Variants in TBC1D8 observed in about 807,000 individuals in gnomAD.
TBC1D8 encodes the protein BUB2-like protein 1.
Under a neutral mutation model 118.8 loss-of-function variants are expected in TBC1D8, and 65 were observed. The ratio of observed to expected loss-of-function variants is 0.55; its 90% confidence interval spans 0.45 to 0.67. The LOEUF (loss-of-function observed/expected upper bound fraction) is 0.67. TBC1D8 is among the 30% of genes least tolerant of loss of function. The pLI, the probability that TBC1D8 is intolerant of heterozygous loss-of-function variation, is 0.00. For synonymous variants in TBC1D8, 566 were observed against 595.8 expected, an observed-to-expected ratio of 0.95 and a Z score of 0.73; for missense variants, 1,376 against 1,471.2, an observed-to-expected ratio of 0.94 and a Z score of 1.06.
chr2:101,096,647 C>A lies in TBC1D8; in HGVS notation c.128-6283G>T, dbSNP rs1676465460. On this transcript the variant is annotated intron_variant, in intron 1 of 19. Transcript: ENST00000409318. ...CTCTGAGGAAGAATTAATAAGAAAT[C>A]CTAGACGTGAAAAGAAAATCAAGGA... 3.9e-5 allele frequency among the ~76,000 whole-genome samples: 6 copies of A among 151,908 alleles called. 1 individual carries two copies. The South Asian group carries it at 1.2e-3, about 32-fold the overall frequency.
intron 19 of TBC1D8, among the ~76,000 whole-genome samples, chr2:101,009,861 G>A (rs13013976): frequency 6.8e-6 from 1 of 146,664 alleles, no homozygotes; most frequent in East Asian, 2.0e-4. Flanking sequence ...TCGCTCTGTC[G>A]CCCAGGCTGG....
chr2:101,055,416 T>C (rs1682364677), intron 3 of TBC1D8, among the ~76,000 whole-genome samples: 1 of 151,992 alleles, frequency 6.6e-6, no homozygotes, highest in Admixed American at 6.6e-5. Context: ...GAAAAACTCA[T>C]GAAGATCTTC....
intron 15 of TBC1D8, among the ~76,000 whole-genome samples, chr2:101,025,125 A>G (rs559034776): frequency 1.3e-5 from 2 of 152,346 alleles, no homozygotes; most frequent in South Asian, 4.1e-4. Context: ...ATTTATAGAT[A>G]GATACAAGAG....
intron 3 of TBC1D8, among the ~76,000 whole-genome samples, chr2:101,054,759 C>T (rs1404230829): frequency 2.8e-5 from 4 of 143,992 alleles, no homozygotes; most frequent in Non-Finnish European, 4.5e-5. Flanking sequence ...CTCAACTCAC[C>T]GCAACCTCCA....
chr2:101,028,125 C>T lies in TBC1D8; in HGVS notation c.2374G>A (p.Glu792Lys), dbSNP rs753047544. ...TTGTAACGTAGGTGCTCGATCTGCT[C>T]CACAGACTGGTCTCCAAATTTCTGC... Reference protein sequence around the residue: ...SYEKFGDQSVEQIEHLRYKHR... With the variant: ...SYEKFGDQSVKQIEHLRYKHR... The change falls in exon 14 of 20, where the codon GAG becomes AAG. Residue 792 changes from glutamate to lysine, a missense_variant. Glu to Lys is a moderately conservative substitution (Grantham distance 56). Coordinates refer to ENST00000409318, the MANE Select transcript of TBC1D8 (RefSeq NM_001330348.2). The T allele has an allele frequency of 1.5e-5, 25 of 1,613,790 alleles. No individual in the cohort carries two copies. Among genetic ancestry groups the T allele is most frequent in the Non-Finnish European group, 2.0e-5 (24 of 1,179,900 alleles).
intron 5 of TBC1D8, among the ~76,000 whole-genome samples, chr2:101,049,098 C>G (rs1350848413): frequency 1.3e-5 from 2 of 152,288 alleles, no homozygotes; most frequent in Non-Finnish European, 2.9e-5. Context: ...CCCCTGCTTT[C>G]AATTCTTTAG....
intron 1 of TBC1D8, among the ~76,000 whole-genome samples, chr2:101,093,538 G>A (rs1301785855): frequency 6.6e-6 from 1 of 151,862 alleles, no homozygotes; most frequent in Non-Finnish European, 1.5e-5. Context: ...CAAGTAAACT[G>A]GCTTCCATTA....
intron 1 of TBC1D8, among the ~76,000 whole-genome samples, chr2:101,147,435 T>C (rs1679364919): frequency 1.3e-5 from 2 of 152,238 alleles, no homozygotes; most frequent in South Asian, 4.1e-4. Context: ...TCCTACCAAG[T>C]GTGAGTGTTC....
At chr2:101,140,126 T>C (rs1679036718) in intron 1 of TBC1D8, among the ~76,000 whole-genome samples, 1 of 152,190 alleles carries the variant, frequency 6.6e-6, no homozygotes, top group Non-Finnish European at 1.5e-5. Context: ...TCGTTGCTAC[T>C]GTTTTACAGG....
At chr2:101,119,657 G>A (rs1678012786) in intron 1 of TBC1D8, among the ~76,000 whole-genome samples, 1 of 152,220 alleles carries the variant, frequency 6.6e-6, no homozygotes, top group Non-Finnish European at 1.5e-5. Flanking sequence ...TCACTGTGCA[G>A]CCAAGACCAG....
intron 2 of TBC1D8, among the ~76,000 whole-genome samples, chr2:101,073,801 C>T (rs1674629384): frequency 6.6e-6 from 1 of 152,256 alleles, no homozygotes; most frequent in South Asian, 2.1e-4. Flanking sequence ...GCAGCTTCCT[C>T]ATATCTCTCA....
chr2:101,105,254 T>C (rs1187170176), intron 1 of TBC1D8, among the ~76,000 whole-genome samples: 1 of 151,926 alleles, frequency 6.6e-6, no homozygotes, highest in African/African-American at 2.4e-5. Flanking sequence ...AGGACTTATA[T>C]CCAAAATATA....
intron 17 of TBC1D8, among the ~76,000 whole-genome samples, chr2:101,013,356 T>C (rs1028005667): frequency 1.2e-4 from 19 of 152,334 alleles, no homozygotes; most frequent in African/African-American, 4.6e-4. Context: ...AAAAATCCTT[T>C]CAATCTTTTT....
intron 1 of TBC1D8, among the ~76,000 whole-genome samples, chr2:101,119,545 T>C (rs987701152): frequency 6.6e-6 from 1 of 152,232 alleles, no homozygotes; most frequent in African/African-American, 2.4e-5. Flanking sequence ...GTTCTCAACT[T>C]TGGCTGCAGT....
At chr2:101,065,939 A>G (rs1682988280) in intron 2 of TBC1D8, among the ~76,000 whole-genome samples, 1 of 152,214 alleles carries the variant, frequency 6.6e-6, no homozygotes, top group Admixed American at 6.5e-5. Flanking sequence ...AGAGTCAGAA[A>G]TGACACAAAA....
intron 1 of TBC1D8, among the ~76,000 whole-genome samples, chr2:101,096,327 C>T (rs1266811680): frequency 6.8e-6 from 1 of 146,202 alleles, no homozygotes; most frequent in Non-Finnish European, 1.5e-5. Flanking sequence ...AGATGAAACA[C>T]AGCCCAAGTC....
chr2:101,140,817 C>T (rs1392154021), intron 1 of TBC1D8, among the ~76,000 whole-genome samples: 1 of 147,426 alleles, frequency 6.8e-6, no homozygotes, highest in South Asian at 2.1e-4. Flanking sequence ...GGCTGGAGTG[C>T]AATGGCACAA....
At chr2:101,116,447 C>T (rs775699370) in intron 1 of TBC1D8, among the ~76,000 whole-genome samples, 16 of 152,082 alleles carry the variant, frequency 1.1e-4, no homozygotes, top group African/African-American at 1.9e-4. Flanking sequence ...CACTGGTCTG[C>T]GTGGAGATTA....
chr2:101,054,072 A>G, intron 4 of TBC1D8, 36 bp downstream of exon 4: 1 of 1,577,584 alleles, frequency 6.3e-7, no homozygotes, highest in Non-Finnish European at 8.6e-7. Context: ...CCTGGGGCCA[A>G]CTTTATCTTG....
Sources: gnomAD v4.1 joint callset for allele counts (sites outside exome capture counted in the v4.1 genomes callset) on GRCh38, gnomAD v4.1.1 for gene constraint, MANE v1.5 for transcripts, NCBI Gene and HGNC (gene_info 2026-07-23, HGNC 2026-07-21) for gene names.